DOCK9: variants seen among roughly 807,000 people sequenced by gnomAD.
The protein encoded by DOCK9 is dedicator of cytokinesis protein 9.
A neutral mutation model predicts 263.3 loss-of-function variants in DOCK9; 89 were observed. The ratio of observed to expected loss-of-function variants is 0.34; its 90% confidence interval spans 0.28 to 0.40. The LOEUF is 0.40. Among genes scored for constraint, DOCK9 ranks in the 10% least tolerant of loss-of-function variants. The pLI, the probability that DOCK9 is intolerant of heterozygous loss-of-function variation, is 1.00. For synonymous variants in DOCK9, 976 were observed against 973.1 expected, an observed-to-expected ratio of 1.00 and a Z score of -0.06; for missense variants, 2,140 against 2,603.4, an observed-to-expected ratio of 0.82 and a Z score of 3.87.
intron 2 of DOCK9, among the ~76,000 whole-genome samples, chr13:98,951,311 C>T (rs377746415): frequency 2.0e-5 from 3 of 152,110 alleles, no homozygotes; most frequent in Non-Finnish European, 2.9e-5. Flanking sequence ...CAAATCTAGT[C>T]GCTGGGACTA....
intron 3 of DOCK9, among the ~76,000 whole-genome samples, chr13:98,929,545 AAAAAAT>A (rs991772964): frequency 1.3e-4 from 20 of 152,300 alleles, no homozygotes; most frequent in Admixed American, 8.5e-4. Context: ...ACTCTGTCTC[AAAAAAT>A]AAAAATAAAA....
chr13:98,942,451 G>C lies in DOCK9; in HGVS notation c.244-12194C>G, dbSNP rs551480111. On this transcript the variant is annotated intron_variant, in intron 2 of 52. Coordinates refer to ENST00000682017, the MANE Select transcript of DOCK9 (RefSeq NM_001366683.2). ...GATGGGGTTTTGCCGTGTTAGCCAG[G>C]ATGGTCTCGATCTCCTGACCTCGTG... Among the ~76,000 whole-genome samples the C allele has an allele frequency of 3.3e-5, 5 of 152,138 alleles. No individual in the cohort carries two copies. In the East Asian group the frequency reaches 9.7e-4, roughly 29 times the overall value.
chr13:98,804,853 A>C, intron 49 of DOCK9, 146 bp downstream of exon 49: 1 of 723,132 alleles, frequency 1.4e-6, no homozygotes, highest in Non-Finnish European at 2.3e-6. Flanking sequence ...AAAAGGAAGC[A>C]CTAGATAAAT....
At position 99,062,356 on chromosome 13, in the gene DOCK9, G is replaced by A. The variant is rs558258033; in HGVS notation, c.129+23867C>T. On this transcript the variant is annotated intron_variant, in intron 1 of 32. Transcript: ENST00000427887. ...CATTGCCCCCTCCCAAGCAAACTTC[G>A]AATGACCTCATGGGAAACCAACCAA... Among the ~76,000 whole-genome samples the A allele has an allele frequency of 1.6e-4, 24 of 152,208 alleles. No individual in the cohort carries two copies. The East Asian group carries it at 2.1e-3, about 13-fold the overall frequency.
chr13:98,818,452 G>T (rs1451382458), intron 45 of DOCK9, among the ~76,000 whole-genome samples: 1 of 152,084 alleles, frequency 6.6e-6, no homozygotes, highest in Non-Finnish European at 1.5e-5. Flanking sequence ...AACAAATCCA[G>T]ACAATGGTCA....
At chr13:98,964,735 G>A (rs1242678079) in intron 1 of DOCK9, among the ~76,000 whole-genome samples, 2 of 152,154 alleles carry the variant, frequency 1.3e-5, no homozygotes, top group African/African-American at 4.8e-5. Flanking sequence ...AGGCTCCACA[G>A]GTGCTCTAGC....
chr13:98,845,363 C>A, intron 38 of DOCK9: 1 of 1,358,106 alleles, frequency 7.4e-7, no homozygotes, highest in Non-Finnish European at 9.8e-7. Context: ...CACTTGATAT[C>A]TTTCTCACAC....
chr13:99,012,014 G>A (rs1328903975), intron 1 of DOCK9, among the ~76,000 whole-genome samples: 1 of 152,030 alleles, frequency 6.6e-6, no homozygotes, highest in African/African-American at 2.4e-5. Context: ...GTACAGACGG[G>A]GTTTCACCAT....
At chr13:98,796,574 TA>T (rs1377857557) in intron 52 of DOCK9, among the ~76,000 whole-genome samples, 1 of 152,124 alleles carries the variant, frequency 6.6e-6, no homozygotes. Context: ...AGGAAAGAGA[TA>T]ACAGCAAAAT....
intron 38 of DOCK9, among the ~76,000 whole-genome samples, chr13:98,838,437 G>A (rs1447297828): frequency 6.6e-6 from 1 of 152,222 alleles, no homozygotes; most frequent in Non-Finnish European, 1.5e-5. Context: ...ATCAAGAGTT[G>A]ACTGCGCTGT....
At chr13:99,013,744 GAGA>G (rs1387892394) in intron 1 of DOCK9, among the ~76,000 whole-genome samples, 1 of 152,200 alleles carries the variant, frequency 6.6e-6, no homozygotes, top group African/African-American at 2.4e-5. Context: ...CACAGGTGAA[GAGA>G]AGGAGGAAGT....
At chr13:98,936,163 CT>C (rs2140407643) in intron 2 of DOCK9, among the ~76,000 whole-genome samples, 1 of 152,228 alleles carries the variant, frequency 6.6e-6, no homozygotes, top group South Asian at 2.1e-4. Flanking sequence ...AACCTGAGGT[CT>C]GATCCTGTAC....
At chr13:98,916,592 C>T (rs2050927869) in intron 7 of DOCK9, among the ~76,000 whole-genome samples, 1 of 152,194 alleles carries the variant, frequency 6.6e-6, no homozygotes, top group Non-Finnish European at 1.5e-5. Flanking sequence ...TCAAGTGCTC[C>T]CCTTGGCAAA....
chr13:98,968,423 C>G (rs1231183694), intron 1 of DOCK9, among the ~76,000 whole-genome samples: 3 of 152,050 alleles, frequency 2.0e-5, no homozygotes, highest in Non-Finnish European at 4.4e-5. Context: ...GAGTTCGAGA[C>G]CAGACTGGCC....
intron 1 of DOCK9, among the ~76,000 whole-genome samples, chr13:98,957,929 TGCACAG>T (rs59037163): frequency 0.19 from 28,809 of 151,890 alleles, 3,041 homozygotes; most frequent in East Asian, 0.43. Context: ...CCCAGCTGCC[TGCACAG>T]GCACAGGCAC....
intron 45 of DOCK9, among the ~76,000 whole-genome samples, chr13:98,821,419 A>G (rs2092267580): frequency 6.6e-6 from 1 of 152,108 alleles, no homozygotes; most frequent in East Asian, 1.9e-4. Context: ...GCTGCTGCTA[A>G]CCTCGGGGCA....
chr13:98,826,404 A>C (rs1381085583), intron 44 of DOCK9, among the ~76,000 whole-genome samples: 1 of 152,218 alleles, frequency 6.6e-6, no homozygotes, highest in Non-Finnish European at 1.5e-5. Flanking sequence ...TAAGGTTTCC[A>C]TCAGAAAGGC....
At chr13:99,060,704 A>G (rs1019873311) in intron 1 of DOCK9, among the ~76,000 whole-genome samples, 1 of 152,096 alleles carries the variant, frequency 6.6e-6, no homozygotes, top group Non-Finnish European at 1.5e-5. Flanking sequence ...TACCTTTCTC[A>G]TATCATCACA....
intron 1 of DOCK9, among the ~76,000 whole-genome samples, chr13:98,989,461 C>T (rs1382987189): frequency 6.6e-6 from 1 of 152,086 alleles, no homozygotes; most frequent in Non-Finnish European, 1.5e-5. Flanking sequence ...TTTTGCACAA[C>T]TTCCCAGGTG....
Sources: allele counts gnomAD v4.1 joint callset (sites outside exome capture counted in the v4.1 genomes callset), GRCh38; gene constraint gnomAD v4.1.1; transcripts MANE v1.5; gene names NCBI Gene and HGNC (gene_info 2026-07-23, HGNC 2026-07-21).